FBXW11: variants seen among roughly 807,000 people sequenced by gnomAD.
FBXW11 encodes F-box and WD repeat domain containing 11, also known as F-box/WD repeat-containing protein 11.
FBXW11 carries 19 observed loss-of-function variants against 77.6 expected under a neutral mutation model. That is an observed-to-expected ratio of 0.24 (90% CI 0.17 to 0.36). The LOEUF (loss-of-function observed/expected upper bound fraction) is 0.36, where lower values mean the gene tolerates loss of function less well. FBXW11 is among the 10% of genes least tolerant of loss of function. FBXW11 has a pLI of 1.00. For missense variants in FBXW11, 334 were observed against 704.2 expected (o/e 0.47, Z 5.95); for synonymous variants, 235 against 249.4 (o/e 0.94, Z 0.54).
intron 4 of FBXW11, among the ~76,000 whole-genome samples, chr5:171,907,651 A>G (rs1760614618): frequency 1.3e-5 from 2 of 152,248 alleles, no homozygotes; most frequent in African/African-American, 4.8e-5. Flanking sequence ...TAGCATTTTA[A>G]CTAAAGTATT....
At chr5:171,888,614 C>T (rs1441511619) in intron 7 of FBXW11, among the ~76,000 whole-genome samples, 1 of 152,186 alleles carries the variant, frequency 6.6e-6, no homozygotes, top group East Asian at 1.9e-4. Context: ...TAACAGGACC[C>T]ACAGTCTTTA....
At chr5:171,955,550 T>C (rs768616325) in intron 2 of FBXW11, among the ~76,000 whole-genome samples, 6 of 152,156 alleles carry the variant, frequency 3.9e-5, no homozygotes, top group South Asian at 2.1e-4. Context: ...GGGAGAAATG[T>C]TGGCATTAAA....
intron 1 of FBXW11, among the ~76,000 whole-genome samples, chr5:171,978,173 G>GA (rs5873293): frequency 6.6e-6 from 1 of 151,450 alleles, no homozygotes; most frequent in African/African-American, 2.4e-5. Context: ...CAGAGAAAAA[G>GA]AAAAAAAAAT....
chr5:171,971,244 G>A (rs1215670172), intron 1 of FBXW11, among the ~76,000 whole-genome samples: 1 of 152,090 alleles, frequency 6.6e-6, no homozygotes, highest in African/African-American at 2.4e-5. Flanking sequence ...CAATCTATAG[G>A]TTTACAGATG....
intron 7 of FBXW11, among the ~76,000 whole-genome samples, chr5:171,880,563 A>T (rs1325920656): frequency 6.6e-6 from 1 of 152,238 alleles, no homozygotes; most frequent in Non-Finnish European, 1.5e-5. Context: ...ACCCATGAGC[A>T]TGAAATATCT....
At chr5:171,901,071 C>T (rs571774444) in intron 4 of FBXW11, among the ~76,000 whole-genome samples, 1 of 152,286 alleles carries the variant, frequency 6.6e-6, no homozygotes, top group South Asian at 2.1e-4. Flanking sequence ...CCCAGGTTCA[C>T]CACTTACTAG....
chr5:172,003,613 T>C (rs997569655), intron 1 of FBXW11, among the ~76,000 whole-genome samples: 1 of 152,172 alleles, frequency 6.6e-6, no homozygotes, highest in Non-Finnish European at 1.5e-5. Context: ...TAAGAGCTTA[T>C]AGACTTTACT....
At chr5:171,935,195 G>C (rs746861774) in intron 2 of FBXW11, among the ~76,000 whole-genome samples, 1 of 152,174 alleles carries the variant, frequency 6.6e-6, no homozygotes, top group African/African-American at 2.4e-5. Context: ...CTGACCTCGT[G>C]ATCTGCCCAC....
chr5:171,896,799 C>T (rs967872451), intron 6 of FBXW11, among the ~76,000 whole-genome samples: 3 of 152,118 alleles, frequency 2.0e-5, no homozygotes, highest in Non-Finnish European at 4.4e-5. Flanking sequence ...TGCAAAAACT[C>T]GAAGTGGGTA....
Position 171,869,902 on chromosome 5 carries a change from T to A in FBXW11, c.1452-95A>T. On this transcript the variant is annotated intron_variant, in intron 11 of 13. Coordinates refer to ENST00000517395, the MANE Select transcript of FBXW11 (RefSeq NM_001378974.1). This position sits in a 1 kb window ranked among gnomAD's most constrained non-coding sequence, Gnocchi z 4.1. ...AAAAAAGTAGTGCATCTGAACTGCC[T>A]ATTTATAAAAGCTAATGGGGAACAT... is the stretch of plus-strand genomic sequence containing the variant. 1 of 670,630 alleles carries A rather than the reference T, an allele frequency of 1.5e-6. No individual in the cohort carries two copies. Among genetic ancestry groups the A allele is most frequent in the African/African-American group, 1.9e-5 (1 of 53,548 alleles). 41.5% of individuals were successfully genotyped at this position (670,630 alleles called of 1,614,324 possible).
intron 9 of FBXW11, 67 bp from the exon 10 acceptor site, chr5:171,873,057 T>A: frequency 7.7e-7 from 1 of 1,294,732 alleles, no homozygotes. Flanking sequence ...TATACCTTTC[T>A]TAAAAAGACA....
rs961960104 is a variant in FBXW11, at chr5:171,986,219, C to G, written c.45+20239G>C. 6.6e-5 allele frequency among the ~76,000 whole-genome samples: 10 copies of G among 151,942 alleles called. No individual in the cohort carries two copies. In the East Asian group the frequency reaches 1.7e-3, roughly 26 times the overall value. ...GGCCAGGAGTTTGAGACCAGCCTGGCCAACATGGTGAAACCCCATCTCTAC... is the reference window on the plus strand; with the variant it reads ...GGCCAGGAGTTTGAGACCAGCCTGGGCAACATGGTGAAACCCCATCTCTAC... On this transcript the variant is annotated intron_variant, in intron 1 of 13. Coordinates refer to ENST00000517395, the MANE Select transcript of FBXW11 (RefSeq NM_001378974.1).
intron 1 of FBXW11, among the ~76,000 whole-genome samples, chr5:171,977,077 C>T (rs926229245): frequency 4.6e-5 from 7 of 150,896 alleles, no homozygotes; most frequent in South Asian, 2.1e-4. Context: ...GGGTGGCTCA[C>T]GCCTGTAATC....
At position 171,876,318 on chromosome 5, in the gene FBXW11, G is replaced by A. The variant is rs891990894; in HGVS notation, c.1188C>T (p.Tyr396=). The change falls in exon 9 of 14, where the codon TAC becomes TAT. Residue 396 remains tyrosine (Y), a synonymous_variant. Coordinates refer to ENST00000517395, the MANE Select transcript of FBXW11 (RefSeq NM_001378974.1). This position sits in a 1 kb window ranked among gnomAD's most constrained non-coding sequence, Gnocchi z 4.2. ...AVNVVDFDDK[Y]IVSASGDRTI... ...TCCTGTCACCAGAGGCAGACACGAT[G>A]TACTTGTCGTCAAAGTCTACTACAT... 5 of 1,614,220 alleles carry A rather than the reference G, an allele frequency of 3.1e-6. No homozygotes were observed. The highest frequency in any genetic ancestry group is 2.2e-5 in the East Asian group (1 of 44,878).
chr5:171,932,524 T>C (rs1162661130), intron 2 of FBXW11, among the ~76,000 whole-genome samples: 2 of 152,150 alleles, frequency 1.3e-5, no homozygotes, highest in African/African-American at 4.8e-5. Context: ...CTGTTACATG[T>C]ATATAATGTG....
chr5:171,932,831 G>A (rs1308365983), intron 2 of FBXW11, among the ~76,000 whole-genome samples: 1 of 151,654 alleles, frequency 6.6e-6, no homozygotes, highest in Non-Finnish European at 1.5e-5. Context: ...TGAATAAACT[G>A]TGGTAGGGCC....
chr5:171,867,239 A>AT (rs1757456175), intron 13 of FBXW11, among the ~76,000 whole-genome samples: 1 of 152,228 alleles, frequency 6.6e-6, no homozygotes, highest in Non-Finnish European at 1.5e-5. Context: ...GTTGTAGGCC[A>AT]TAAGGTCTCT....
chr5:171,971,732 C>G (rs1475292989), intron 1 of FBXW11, among the ~76,000 whole-genome samples: 1 of 152,158 alleles, frequency 6.6e-6, no homozygotes, highest in Non-Finnish European at 1.5e-5. Context: ...CCTGTAATCC[C>G]AACACTTTGG....
At chr5:171,917,441 T>C (rs140876937) in intron 2 of FBXW11, among the ~76,000 whole-genome samples, 62 of 152,332 alleles carry the variant, frequency 4.1e-4, no homozygotes, top group African/African-American at 1.2e-3. Context: ...ACTTATATGG[T>C]TGATAAGGAA....
Sources: allele counts gnomAD v4.1 joint callset (sites outside exome capture counted in the v4.1 genomes callset), GRCh38; gene constraint gnomAD v4.1.1; non-coding constraint Gnocchi (gnomAD v3.1); transcripts MANE v1.5; gene names NCBI Gene and HGNC (gene_info 2026-07-23, HGNC 2026-07-21).